Variants in UGT1A8 observed in about 807,000 individuals in gnomAD.
UGT1A8 encodes the protein UDP-glucuronosyltransferase 1A8.
A neutral mutation model predicts 45.3 loss-of-function variants in UGT1A8; 39 were observed. That is an observed-to-expected ratio of 0.86 (90% CI 0.67 to 1.12). UGT1A8 has a LOEUF of 1.12. Ranked by LOEUF, UGT1A8 falls within the 50% of genes most tolerant of loss-of-function variation. The probability of loss-of-function intolerance (pLI) is 0.00; values close to 1 mark genes in which losing one functional copy is unlikely to be tolerated. For missense variants in UGT1A8, 719 were observed against 664.9 expected (o/e 1.08, Z -0.90); for synonymous variants, 275 against 249.2 (o/e 1.10, Z -0.97).
intron 1 of UGT1A8, among the ~76,000 whole-genome samples, chr2:233,631,609 T>C (rs1164615419): frequency 6.6e-6 from 1 of 152,204 alleles, no homozygotes; most frequent in African/African-American, 2.4e-5. Flanking sequence ...CTTTTTTTGA[T>C]ATGCTTGTTG....
At position 233,732,704 on chromosome 2, in the gene UGT1A8, T is replaced by A. The variant is rs2078302376; in HGVS notation, c.856-34330T>A. 3.3e-5 allele frequency among the ~76,000 whole-genome samples: 5 copies of A among 152,126 alleles called. No homozygotes were observed. In the South Asian group the frequency reaches 1.0e-3, roughly 31 times the overall value. On this transcript the variant is annotated intron_variant, in intron 1 of 4. Coordinates refer to ENST00000373450, the MANE Select transcript of UGT1A8 (RefSeq NM_019076.5). ...ACCAGCACCCATGCTGTTTTGTTAC[T>A]GTAGCCTTGTAGTACAGTTTGAAGT...
chr2:233,682,832 C>A, intron 1 of UGT1A8: 2 of 1,552,218 alleles, frequency 1.3e-6, no homozygotes, highest in African/African-American at 1.4e-5. Context: ...AATAATCTGG[C>A]TTTGGAAATT....
chr2:233,617,672 A>C lies in UGT1A8; in HGVS notation c.-36A>C, dbSNP rs776306236. 16 of 1,592,692 alleles carry C rather than the reference A, an allele frequency of 1.0e-5. No individual in the cohort carries two copies. The highest frequency in any genetic ancestry group is 1.4e-5 in the Non-Finnish European group (16 of 1,168,410). ...TCCGCCTACTGTATCATAGCAGCTT[A>C]GAATCCCAGCTGCTGGCTCGGGCTG... On this transcript the variant is annotated 5_prime_UTR_variant, in exon 1 of 5. Coordinates refer to ENST00000373450, the MANE Select transcript of UGT1A8 (RefSeq NM_019076.5).
intron 1 of UGT1A8, among the ~76,000 whole-genome samples, chr2:233,643,511 G>A (rs553358607): frequency 8.5e-5 from 13 of 152,102 alleles, no homozygotes; most frequent in Non-Finnish European, 1.9e-4. Flanking sequence ...CTGGAATCAG[G>A]GACCCCAAAA....
intron 1 of UGT1A8, chr2:233,692,968 A>T: frequency 6.2e-7 from 1 of 1,609,996 alleles, no homozygotes; most frequent in Non-Finnish European, 8.5e-7. Context: ...GAGAGTGAAA[A>T]CTCTTTATTA....
In UGT1A8 at chr2:233,713,252, C is replaced by T. The variant is rs17874941; in HGVS notation, c.856-53782C>T. On this transcript the variant is annotated intron_variant, in intron 1 of 4. Coordinates refer to ENST00000373450, the MANE Select transcript of UGT1A8 (RefSeq NM_019076.5). ...CGTATGCCATTTCATGGACCCAGGA[C>T]GAATTTGATCGCCTTTTGCTGGGTC... 2,469 of 1,614,186 alleles carry T rather than the reference C, an allele frequency of 1.5e-3. 3 individuals carry two copies. The highest frequency in any genetic ancestry group is 2.0e-3 in the Non-Finnish European group (2,339 of 1,180,040).
chr2:233,717,641 G>A (rs869283), intron 1 of UGT1A8: 163,407 of 385,870 alleles, frequency 0.42, 37,925 homozygotes, highest in African/African-American at 0.72. Flanking sequence ...ATCCTGGGGC[G>A]ACCAGGACAA....
rs558770255 is a variant in UGT1A8, at chr2:233,763,535, G to A, written c.856-3499G>A. Among the ~76,000 whole-genome samples the A allele has an allele frequency of 7.2e-5, 11 of 152,022 alleles. No homozygotes were observed. The East Asian group carries it at 9.7e-4, about 13-fold the overall frequency. ...TTGACTTTGCCATTCTCCTTTTTCC[G>A]GATTTCTACTGGTTGGTCAAGTTAC... On this transcript the variant is annotated intron_variant, in intron 1 of 4. Coordinates refer to ENST00000373450, the MANE Select transcript of UGT1A8 (RefSeq NM_019076.5).
At chr2:233,734,096 T>G (rs1379771064) in intron 1 of UGT1A8, among the ~76,000 whole-genome samples, 5 of 151,518 alleles carry the variant, frequency 3.3e-5, no homozygotes, top group African/African-American at 9.8e-5. Context: ...CCCTAAAACT[T>G]AAAGTATAAT....
rs780354743 is a variant in UGT1A8 at position 233,767,874 on chromosome 2, G to A, written c.1013G>A (p.Arg338Gln). Residue 338 changes from arginine to glutamine, a missense_variant, in exon 3 of 5, where the codon CGA becomes CAA. Coordinates refer to ENST00000373450, the MANE Select transcript of UGT1A8 (RefSeq NM_019076.5). ...QTVLWRYTGT[R>Q]PSNLANNTIL... ...GTCCTGTGGCGGTACACTGGAACCC[G>A]ACCATCGAATCTTGCGAACAACACG... 28 of 1,613,980 alleles carry A rather than the reference G, an allele frequency of 1.7e-5. No individual in the cohort carries two copies. Among genetic ancestry groups the A allele is most frequent in the Admixed American group, 1.0e-4 (6 of 59,998 alleles).
At chr2:233,705,536 G>A (rs915166566) in intron 1 of UGT1A8, among the ~76,000 whole-genome samples, 5 of 152,188 alleles carry the variant, frequency 3.3e-5, no homozygotes, top group Non-Finnish European at 7.3e-5. Flanking sequence ...CTTCAGCTGT[G>A]AAGAGCAGCT....
intron 1 of UGT1A8, among the ~76,000 whole-genome samples, chr2:233,746,318 T>A (rs1693357703): frequency 6.6e-6 from 1 of 151,812 alleles, no homozygotes; most frequent in Non-Finnish European, 1.5e-5. Context: ...GCCCTGTAGA[T>A]GATCTACAGG....
intron 1 of UGT1A8, among the ~76,000 whole-genome samples, chr2:233,628,102 T>C (rs1428462184): frequency 6.6e-6 from 1 of 152,096 alleles, no homozygotes; most frequent in African/African-American, 2.4e-5. Flanking sequence ...TTTTATGCAG[T>C]TAAGATTTAA....
intron 1 of UGT1A8, among the ~76,000 whole-genome samples, chr2:233,644,704 A>G (rs1231053080): frequency 6.6e-6 from 1 of 152,196 alleles, no homozygotes; most frequent in African/African-American, 2.4e-5. Flanking sequence ...ACCAGGGCTC[A>G]GGGATTCTCT....
chr2:233,719,808 A>G (rs2125672153), intron 1 of UGT1A8: 1 of 1,592,844 alleles, frequency 6.3e-7, no homozygotes, highest in Non-Finnish European at 8.5e-7. Context: ...TGGCTTCTTT[A>G]TAACAGATAA....
At chr2:233,770,741 G>A (rs1433852574) in intron 4 of UGT1A8, 1 of 151,846 alleles carries the variant, frequency 6.6e-6, no homozygotes, top group Non-Finnish European at 1.5e-5. Flanking sequence ...CATGATTCAT[G>A]GCCAAGTACT....
At chr2:233,743,935 C>T (rs761038539) in intron 1 of UGT1A8, 2 of 1,356,896 alleles carry the variant, frequency 1.5e-6, no homozygotes, top group African/African-American at 1.5e-5. Flanking sequence ...GCCAGAACGG[C>T]CCACCAGGCA....
intron 1 of UGT1A8, chr2:233,743,403 G>GC (rs1347422020): frequency 7.7e-7 from 1 of 1,297,134 alleles, no homozygotes; most frequent in African/African-American, 1.5e-5. Flanking sequence ...AGGAAGAAAG[G>GC]CCCCCACTTC....
intron 1 of UGT1A8, among the ~76,000 whole-genome samples, chr2:233,694,371 G>C (rs1001600534): frequency 6.6e-6 from 1 of 151,494 alleles, no homozygotes; most frequent in Non-Finnish European, 1.5e-5. Context: ...GGTTTTTGTA[G>C]TTTTAAAACA....
Sources: allele counts gnomAD v4.1 joint callset (sites outside exome capture counted in the v4.1 genomes callset), GRCh38; gene constraint gnomAD v4.1.1; transcripts MANE v1.5; gene names NCBI Gene and HGNC (gene_info 2026-07-23, HGNC 2026-07-21).